The following CUX2 variants were observed in gnomAD, a reference collection of about 807,000 sequenced individuals.
CUX2 encodes cut like homeobox 2, also known as homeobox protein cut-like 2.
In CUX2, 40 loss-of-function variants were observed where a neutral mutation model predicts 144.8. The observed-to-expected ratio is 0.28, with a 90% CI of 0.21 to 0.36. The LOEUF (loss-of-function observed/expected upper bound fraction) is 0.36. CUX2 is among the 10% of genes least tolerant of loss of function. The probability of loss-of-function intolerance (pLI) is 1.00; values close to 1 mark genes in which losing one functional copy is unlikely to be tolerated. For missense variants in CUX2, 1,615 were observed against 1,994.0 expected, an observed-to-expected ratio of 0.81 and a Z score of 3.62; for synonymous variants, 827 against 875.6, an observed-to-expected ratio of 0.94 and a Z score of 0.98.
intron 1 of CUX2, among the ~76,000 whole-genome samples, chr12:111,097,792 G>C (rs1169189389): frequency 6.6e-6 from 1 of 152,180 alleles, no homozygotes; most frequent in Admixed American, 6.5e-5. Context: ...TTTGTACCTG[G>C]GGCACAGCAT....
chr12:111,045,047 T>C (rs1047290337), intron 1 of CUX2, among the ~76,000 whole-genome samples: 22 of 152,324 alleles, frequency 1.4e-4, no homozygotes, highest in African/African-American at 5.3e-4. Context: ...AAAGCATCCC[T>C]ACAGCCTGTG....
At chr12:111,345,760 G>A (rs1381657979) in intron 21 of CUX2, among the ~76,000 whole-genome samples, 8 of 147,276 alleles carry the variant, frequency 5.4e-5, no homozygotes, top group East Asian at 2.0e-4. Flanking sequence ...AAAGTTTCAC[G>A]AAAAAGAAAA....
rs375621815 is a variant in CUX2, at chr12:111,186,283, C to G, written c.64-27917C>G. The stretch of plus-strand genomic sequence containing the variant: ...GACACTTATGGGGACCAGCTGTGTA[C>G]TGAGCCAGGTGCTGGGAATAGGAGG... On this transcript the variant is annotated intron_variant, in intron 1 of 21. Coordinates refer to ENST00000261726, the MANE Select transcript of CUX2 (RefSeq NM_015267.4). The surrounding 1 kb of genome is among the most constrained non-coding windows in gnomAD (Gnocchi z 4.4). Among the ~76,000 whole-genome samples, 26 of 152,244 alleles carry G rather than the reference C, an allele frequency of 1.7e-4. No individual in the cohort carries two copies. The South Asian group carries it at 5.4e-3, about 32-fold the overall frequency.
chr12:111,054,379 GC>G (rs1870424848), intron 1 of CUX2, among the ~76,000 whole-genome samples: 1 of 152,162 alleles, frequency 6.6e-6, no homozygotes, highest in African/African-American at 2.4e-5. Flanking sequence ...CATTAGCTGT[GC>G]CAACTTTGTG....
intron 1 of CUX2, among the ~76,000 whole-genome samples, chr12:111,188,881 A>G (rs914780660): frequency 2.0e-5 from 3 of 152,124 alleles, no homozygotes; most frequent in African/African-American, 7.2e-5. Context: ...GTGAGAGAGG[A>G]TGGGCTTTGT....
chr12:111,040,299 G>A (rs1450170578), intron 1 of CUX2, among the ~76,000 whole-genome samples: 4 of 150,492 alleles, frequency 2.7e-5, no homozygotes, highest in South Asian at 2.1e-4. Flanking sequence ...AAAAAAAAAC[G>A]GAAAAAAATA....
chr12:111,132,100 A>G (rs148067346), intron 1 of CUX2, among the ~76,000 whole-genome samples: 5,537 of 152,176 alleles, frequency 0.036, 211 homozygotes, highest in Admixed American at 0.11. Context: ...AGGCATTTCC[A>G]TACATCTTCT....
rs1013181926 is a variant in CUX2, at chr12:111,314,530, A to G, written c.2002+2329A>G. 1.3e-4 allele frequency among the ~76,000 whole-genome samples: 19 copies of G among 150,440 alleles called. No individual in the cohort carries two copies. In the Admixed American group the frequency reaches 1.3e-3, roughly 10 times the overall value. ...GTGGTAGGTGCCTGTAATCCCAGCT[A>G]TTTGGAGGCTGAGGCAGGAGAATTG... On this transcript the variant is annotated intron_variant, in intron 16 of 21. Coordinates refer to ENST00000261726, the MANE Select transcript of CUX2 (RefSeq NM_015267.4).
chr12:111,201,489 C>CTAGT (rs1204069195), intron 1 of CUX2, among the ~76,000 whole-genome samples: 1 of 152,226 alleles, frequency 6.6e-6, no homozygotes, highest in African/African-American at 2.4e-5. Context: ...CCCTCCTCCT[C>CTAGT]TAGTGCCTTC....
At chr12:111,302,457 C>T (rs545631585) in intron 9 of CUX2, among the ~76,000 whole-genome samples, 2 of 152,214 alleles carry the variant, frequency 1.3e-5, no homozygotes, top group South Asian at 4.1e-4. Flanking sequence ...ATAGGGAAAC[C>T]GAGGCTGGGG....
chr12:111,169,897 G>A (rs867346123), intron 1 of CUX2, among the ~76,000 whole-genome samples: 10 of 152,148 alleles, frequency 6.6e-5, no homozygotes, highest in African/African-American at 2.4e-4. Flanking sequence ...AGGGCATGAG[G>A]GTGGCAGGGA....
In CUX2 at chr12:111,246,343, AC is replaced by A. The variant is rs1883279535; in HGVS notation, c.223-17416del. Among the ~76,000 whole-genome samples the A allele has an allele frequency of 6.6e-6, 1 of 152,094 alleles. No individual in the cohort carries two copies. On this transcript the variant is annotated intron_variant, in intron 3 of 21. Coordinates refer to ENST00000261726, the MANE Select transcript of CUX2 (RefSeq NM_015267.4). This position sits in a 1 kb window ranked among gnomAD's most constrained non-coding sequence, Gnocchi z 4.0. The stretch of plus-strand genomic sequence containing the variant: ...TTCTCACCAGTCAGCCACTTGTTAA[AC>A]CTTTACCAGCACAGGCACCTTCCTC...
intron 20 of CUX2, chr12:111,339,498 A>G (rs190089494): frequency 1.3e-5 from 2 of 152,276 alleles, no homozygotes; most frequent in East Asian, 1.9e-4. Context: ...ATTGTCTGAC[A>G]TTATATCCTG....
intron 1 of CUX2, among the ~76,000 whole-genome samples, chr12:111,187,607 CT>C (rs761436054): frequency 2.0e-5 from 3 of 152,334 alleles, no homozygotes; most frequent in East Asian, 1.9e-4. Context: ...CCTGCCACCC[CT>C]GGGCACCCCC....
At chr12:111,042,051 G>A (rs1172193216) in intron 1 of CUX2, among the ~76,000 whole-genome samples, 1 of 152,194 alleles carries the variant, frequency 6.6e-6, no homozygotes, top group South Asian at 2.1e-4. Context: ...GCAGTTCCAG[G>A]ATATGCATTT....
chr12:111,211,593 G>A (rs1267957820), intron 1 of CUX2, among the ~76,000 whole-genome samples: 1 of 152,182 alleles, frequency 6.6e-6, no homozygotes, highest in Admixed American at 6.5e-5. Flanking sequence ...TAAGAACATA[G>A]TGTCAGACAC....
At chr12:111,046,653 T>A (rs1363238838) in intron 1 of CUX2, among the ~76,000 whole-genome samples, 1 of 152,116 alleles carries the variant, frequency 6.6e-6, no homozygotes, top group Non-Finnish European at 1.5e-5. Flanking sequence ...TCTTTATGCT[T>A]TATTTTTATT....
At chr12:111,203,289 A>C (rs949298490) in intron 1 of CUX2, among the ~76,000 whole-genome samples, 1 of 151,694 alleles carries the variant, frequency 6.6e-6, no homozygotes, top group African/African-American at 2.4e-5. Flanking sequence ...GCACTCCTGT[A>C]ATCCCAGCAC....
rs1438472473 is a variant in CUX2 at position 111,059,470 on chromosome 12, C to G, written c.63+25230C>G. 1.3e-5 allele frequency among the ~76,000 whole-genome samples: 2 copies of G among 152,220 alleles called. No homozygotes were observed. Among genetic ancestry groups the G allele is most frequent in the Non-Finnish European group, 2.9e-5 (2 of 68,044 alleles). On this transcript the variant is annotated intron_variant, in intron 1 of 21. Transcript: ENST00000261726. The surrounding 1 kb of genome is among the most constrained non-coding windows in gnomAD (Gnocchi z 5.3). ...GGGGAGCAGGACTACTGCCTGATTC[C>G]TGGACCATTTTGTTTTCTATGAGGG...
Sources: allele counts gnomAD v4.1 joint callset (sites outside exome capture counted in the v4.1 genomes callset), GRCh38; gene constraint gnomAD v4.1.1; non-coding constraint Gnocchi (gnomAD v3.1); transcripts MANE v1.5; gene names NCBI Gene and HGNC (gene_info 2026-07-23, HGNC 2026-07-21).